ITGAM: variants seen among roughly 807,000 people sequenced by gnomAD.
ITGAM encodes the protein integrin subunit alpha M, also known as integrin alpha-M.
A neutral mutation model predicts 137.5 loss-of-function variants in ITGAM; 79 were observed. The observed-to-expected ratio is 0.57, with a 90% CI of 0.48 to 0.69. ITGAM has a LOEUF of 0.69. Among genes scored for constraint, ITGAM ranks in the 30% least tolerant of loss-of-function variants. The pLI, the probability that ITGAM is intolerant of heterozygous loss-of-function variation, is 0.00. For missense variants in ITGAM, 1,343 were observed against 1,483.5 expected (o/e 0.91, Z 1.56); for synonymous variants, 583 against 592.3 (o/e 0.98, Z 0.23).
At chr16:31,298,387 G>A (rs1302910144) in intron 14 of ITGAM, among the ~76,000 whole-genome samples, 3 of 151,904 alleles carry the variant, frequency 2.0e-5, no homozygotes, top group East Asian at 3.9e-4. Context: ...ACATGCATGC[G>A]TGCACGTGCA....
At chr16:31,291,361 G>A (rs1446298737) in intron 12 of ITGAM, among the ~76,000 whole-genome samples, 1 of 152,100 alleles carries the variant, frequency 6.6e-6, no homozygotes, top group Non-Finnish European at 1.5e-5. Context: ...CCCAGCACTG[G>A]GATTGCTGGA....
chr16:31,331,760 A>C lies in ITGAM; in HGVS notation c.*53A>C. The C allele has an allele frequency of 7.2e-7, 1 of 1,379,724 alleles. No individual in the cohort carries two copies. The highest frequency in any genetic ancestry group is 1.3e-5 in the South Asian group (1 of 77,568). 85.5% of individuals were successfully genotyped at this position (1,379,724 alleles called of 1,614,324 possible). A position where few individuals can be genotyped will look rare whatever the true frequency, so the allele number is the denominator to read the frequency against. ...CGGTGGCCAGCAGGACTCTGCCCAG[A>C]CCACACGTAGCCCCCAGGCTGCTGG... is the stretch of plus-strand genomic sequence containing the variant. On this transcript the variant is annotated 3_prime_UTR_variant, in exon 30 of 30. Coordinates refer to ENST00000544665, the MANE Select transcript of ITGAM (RefSeq NM_000632.4).
chr16:31,268,278 C>T (rs1161334192), intron 5 of ITGAM, among the ~76,000 whole-genome samples: 2 of 152,194 alleles, frequency 1.3e-5, no homozygotes, highest in Non-Finnish European at 2.9e-5. Context: ...AACACTTCTA[C>T]CTCTCCCTCT....
chr16:31,326,816 C>A, intron 21 of ITGAM, 40 bp from the exon 22 acceptor site: 2 of 1,397,886 alleles, frequency 1.4e-6, no homozygotes, highest in Non-Finnish European at 2.0e-6. Context: ...TATTTTTTCT[C>A]TCATATTTCT....
intron 14 of ITGAM, among the ~76,000 whole-genome samples, chr16:31,302,914 CTCCCTCTTTCTT>C (rs1481426697): frequency 1.4e-5 from 2 of 143,958 alleles, no homozygotes; most frequent in Admixed American, 7.0e-5. Flanking sequence ...CTCTCTTTCC[CTCCCTCTTTCTT>C]TCTTTCTTTC....
chr16:31,330,393 G>A lies in ITGAM; in HGVS notation c.3146G>A (p.Gly1049Asp), dbSNP rs774168382. Residue 1049 changes from glycine to aspartate, a missense_variant, in exon 27 of 30, where the codon GGC becomes GAC. Physicochemically the swap from Gly to Asp is moderately conservative, Grantham distance 94. Coordinates refer to ENST00000544665, the MANE Select transcript of ITGAM (RefSeq NM_000632.4). ...GAAGAATTCAATGCTACCCTCAAAG[G>A]CAACCTCTCGTTTGACTGGTACATC... ...IQEEFNATLK[G>D]NLSFDWYIKT... 1 of 1,613,804 alleles carries A rather than the reference G, an allele frequency of 6.2e-7. No individual in the cohort carries two copies. Among genetic ancestry groups the A allele is most frequent in the Non-Finnish European group, 8.5e-7 (1 of 1,179,698 alleles).
In ITGAM at chr16:31,271,915, T is replaced by G. The variant is rs770280536; in HGVS notation, c.627T>G (p.Pro209=). ...CCTTCAAAGAGTTCCAGAACAACCCTAACCCAAGATCACTGGTGAAGCCAA... is the reference window on the plus strand; with the variant it reads ...CCTTCAAAGAGTTCCAGAACAACCCGAACCCAAGATCACTGGTGAAGCCAA... ...HFTFKEFQNN[P]NPRSLVKPIT... is the part of the protein sequence containing the mutation. Residue 209 remains proline (P), a synonymous_variant, in exon 7 of 30, where the codon CCT becomes CCG. Coordinates refer to ENST00000544665, the MANE Select transcript of ITGAM (RefSeq NM_000632.4). The G allele has an allele frequency of 1.9e-6, 3 of 1,613,864 alleles. No homozygotes were observed. The highest frequency in any genetic ancestry group is 2.5e-6 in the Non-Finnish European group (3 of 1,179,886).
rs1432685304 is a variant in ITGAM, at chr16:31,297,590, G to A, written c.1433G>A (p.Gly478Glu). The A allele has an allele frequency of 2.5e-6, 4 of 1,612,604 alleles. No homozygotes were observed. In the African/African-American group the frequency reaches 5.3e-5, roughly 22 times the overall value. ...GGCAGCACCGACCTGGTCCTCATCG[G>A]GGCCCCCCATTACTACGAGCAGACC... Reference protein sequence around the residue: ...SNGSTDLVLIGAPHYYEQTRG... With the variant: ...SNGSTDLVLIEAPHYYEQTRG... The change falls in exon 13 of 30, where the codon GGG becomes GAG. Residue 478 changes from glycine to glutamate, a missense_variant. Transcript: ENST00000544665.
At chr16:31,296,826 A>T (rs770666581) in intron 12 of ITGAM, among the ~76,000 whole-genome samples, 1 of 152,246 alleles carries the variant, frequency 6.6e-6, no homozygotes, top group Non-Finnish European at 1.5e-5. Context: ...TGAATGTATG[A>T]TTAAATAGGT....
At chr16:31,283,358 A>T (rs1481498486) in intron 12 of ITGAM, among the ~76,000 whole-genome samples, 1 of 152,190 alleles carries the variant, frequency 6.6e-6, no homozygotes, top group African/African-American at 2.4e-5. Flanking sequence ...AGGTACACCA[A>T]TCAGACGTAG....
chr16:31,266,959 C>T (rs1480306749), intron 5 of ITGAM, among the ~76,000 whole-genome samples: 2 of 151,922 alleles, frequency 1.3e-5, no homozygotes, highest in Non-Finnish European at 2.9e-5. Context: ...CCTCTGCCTC[C>T]CAGGTTCAAG....
intron 14 of ITGAM, among the ~76,000 whole-genome samples, chr16:31,314,573 T>G (rs933276106): frequency 7.9e-5 from 12 of 152,192 alleles, no homozygotes; most frequent in Admixed American, 3.9e-4. Context: ...GCCTCTGTTC[T>G]GTTTCATTTG....
chr16:31,316,021 C>A (rs568759395), intron 14 of ITGAM, among the ~76,000 whole-genome samples: 2 of 58,552 alleles, frequency 3.4e-5, no homozygotes, highest in Non-Finnish European at 6.4e-5. Context: ...GGTGAAACCC[C>A]GTCTCTACTA....
intron 12 of ITGAM, among the ~76,000 whole-genome samples, chr16:31,282,305 T>G (rs1457578651): frequency 2.0e-5 from 3 of 152,200 alleles, no homozygotes; most frequent in Non-Finnish European, 4.4e-5. Flanking sequence ...ATCTGTCTAA[T>G]GTTGACAGTG....
chr16:31,307,895 A>G (rs1249590810), intron 14 of ITGAM, among the ~76,000 whole-genome samples: 20 of 152,138 alleles, frequency 1.3e-4, no homozygotes, highest in Non-Finnish European at 2.9e-5. Context: ...TTCTGCATCT[A>G]TTGAGATAAT....
intron 8 of ITGAM, 170 bp downstream of exon 8, chr16:31,273,688 T>C: frequency 1.6e-6 from 1 of 608,998 alleles, no homozygotes; most frequent in South Asian, 2.4e-5. Flanking sequence ...TAATAAACTA[T>C]CCCAAAATTC....
intron 12 of ITGAM, among the ~76,000 whole-genome samples, chr16:31,288,995 C>A (rs920397034): frequency 2.6e-5 from 4 of 152,154 alleles, no homozygotes; most frequent in African/African-American, 7.2e-5. Flanking sequence ...CCAACAGACA[C>A]ATGAAAAAAT....
chr16:31,321,705 C>T (rs1597034905), intron 16 of ITGAM, 78 bp downstream of exon 16: 7 of 1,453,986 alleles, frequency 4.8e-6, no homozygotes, highest in Non-Finnish European at 6.6e-6. Flanking sequence ...TCTGCCCAGC[C>T]TTCTGGCTGT....
intron 11 of ITGAM, 29 bp from the exon 12 acceptor site, chr16:31,277,938 C>T (rs1172073807): frequency 6.4e-7 from 1 of 1,564,812 alleles, no homozygotes; most frequent in Admixed American, 1.9e-5. Context: ...GCAGGGAATG[C>T]ACTTCACCTC....
Sources: gnomAD v4.1 joint callset for allele counts (sites outside exome capture counted in the v4.1 genomes callset) on GRCh38, gnomAD v4.1.1 for gene constraint, MANE v1.5 for transcripts, NCBI Gene and HGNC (gene_info 2026-07-23, HGNC 2026-07-21) for gene names.